Variants in GALNT14 observed in about 807,000 individuals in gnomAD.
GALNT14 encodes UDP-GalNAc:polypeptide N-acetylgalactosaminyltransferase 14.
Under a neutral mutation model 77.5 loss-of-function variants are expected in GALNT14, and 60 were observed. That is an observed-to-expected ratio of 0.77 (90% CI 0.63 to 0.96). The LOEUF is 0.96. Ranked by LOEUF, GALNT14 falls within the 40% of genes least tolerant of loss-of-function variation. GALNT14 has a pLI of 0.00. For synonymous variants in GALNT14, 280 were observed against 281.7 expected, an observed-to-expected ratio of 0.99 and a Z score of 0.06; for missense variants, 710 against 731.0, an observed-to-expected ratio of 0.97 and a Z score of 0.33.
At chr2:30,960,141 G>A (rs1015895206) in intron 3 of GALNT14, among the ~76,000 whole-genome samples, 5 of 152,090 alleles carry the variant, frequency 3.3e-5, no homozygotes, top group African/African-American at 7.2e-5. Context: ...CTCTGTCTTC[G>A]GGAGCTCATG....
At chr2:31,092,610 G>A (rs1466596318) in intron 1 of GALNT14, among the ~76,000 whole-genome samples, 1 of 152,126 alleles carries the variant, frequency 6.6e-6, no homozygotes, top group Non-Finnish European at 1.5e-5. Context: ...ATGAAGAAAG[G>A]AGATAAGGCT....
At chr2:31,064,921 G>A (rs887248170) in intron 1 of GALNT14, among the ~76,000 whole-genome samples, 2 of 151,192 alleles carry the variant, frequency 1.3e-5, no homozygotes, top group Non-Finnish European at 2.9e-5. Flanking sequence ...GGGAAAGAGT[G>A]GTAAAAAAAA....
At chr2:31,097,474 A>G (rs1436974925) in intron 1 of GALNT14, among the ~76,000 whole-genome samples, 1 of 151,946 alleles carries the variant, frequency 6.6e-6, no homozygotes, top group African/African-American at 2.4e-5. Flanking sequence ...ATATGAAGGC[A>G]AGGCAGACAA....
chr2:31,027,886 C>CTGCGTGTGTGTGTGTGTG (rs1672163140), intron 1 of GALNT14, among the ~76,000 whole-genome samples: 1 of 141,776 alleles, frequency 7.1e-6, no homozygotes, highest in Non-Finnish European at 1.5e-5. Context: ...CAGATGTATT[C>CTGCGTGTGTGTGTGTGTG]TGTGTGTGTG....
Position 31,002,429 on chromosome 2 carries a change from CA to C in GALNT14, c.130-9423del, listed in dbSNP as rs35948358. The stretch of plus-strand genomic sequence containing the variant: ...TGGGTGACAGAGTGAGACTCCATTT[CA>C]AAAAAAAAAAAGTGAACTCACTACT... On this transcript the variant is annotated intron_variant, in intron 1 of 14. Transcript: ENST00000349752. Among the ~76,000 whole-genome samples the C allele has an allele frequency of 8.3e-3, 1,196 of 143,322 alleles. 7 individuals carry two copies. Among genetic ancestry groups the C allele is most frequent in the African/African-American group, 0.012 (458 of 39,014 alleles). The allele number at this position is 143,322 out of a possible 152,430, so 94.0% of individuals were successfully genotyped here.
chr2:31,088,642 G>A (rs1053514969), intron 1 of GALNT14, among the ~76,000 whole-genome samples: 1 of 152,208 alleles, frequency 6.6e-6, no homozygotes, highest in African/African-American at 2.4e-5. Context: ...CCACTAAGAT[G>A]CTGTGGTTAT....
At chr2:30,899,422 G>T in the GALNT14 span, among the ~76,000 whole-genome samples, 1 of 152,222 alleles carries the variant, frequency 6.6e-6, no homozygotes, top group Non-Finnish European at 1.5e-5. Context: ...TCTGGACAGT[G>T]AATTATTGCA....
chr2:30,946,770 G>T (rs1461090267), intron 6 of GALNT14, among the ~76,000 whole-genome samples: 2 of 152,128 alleles, frequency 1.3e-5, no homozygotes, highest in Non-Finnish European at 2.9e-5. Context: ...GTGGTTCATG[G>T]ATAAGTTGAT....
chr2:30,910,897 G>T lies in GALNT14; in HGVS notation c.*4C>A, dbSNP rs763186258. ...ATGGCCCTTGCTGCTTCTGGCAGGG[G>T]TCCTCAAGAGCTCACCATGTCCCAG... On this transcript the variant is annotated 3_prime_UTR_variant, in exon 15 of 15. Transcript: ENST00000349752. 3 of 1,613,302 alleles carry T rather than the reference G, an allele frequency of 1.9e-6. No individual in the cohort carries two copies. The highest frequency in any genetic ancestry group is 4.5e-5 in the East Asian group (2 of 44,832).
At chr2:30,909,383 T>A (rs1486235129), downstream of GALNT14, among the ~76,000 whole-genome samples, 3 of 151,476 alleles carry the variant, frequency 2.0e-5, no homozygotes, top group Non-Finnish European at 4.4e-5. Flanking sequence ...AACAACCCCA[T>A]CAAAAAGTGG....
In GALNT14 at chr2:30,967,657, AC is replaced by A. The variant is rs1668093491; in HGVS notation, c.300-1356del. Among the ~76,000 whole-genome samples the A allele has an allele frequency of 2.0e-5, 3 of 151,618 alleles. No individual in the cohort carries two copies. The East Asian group carries it at 5.8e-4, about 29-fold the overall frequency. ...TCCTTTTGCCCCACCTCCTGAATTC[AC>A]CCCTCCTCTCATGCCCATGGCCTCT... On this transcript the variant is annotated intron_variant, in intron 2 of 14. Coordinates refer to ENST00000349752, the MANE Select transcript of GALNT14 (RefSeq NM_024572.4).
chr2:30,911,250 TA>T (rs1664340220), intron 14 of GALNT14, among the ~76,000 whole-genome samples, 191 bp from the exon 15 acceptor site: 1 of 152,034 alleles, frequency 6.6e-6, no homozygotes, highest in Non-Finnish European at 1.5e-5. Flanking sequence ...TAAATTGGAT[TA>T]AAAAAAGTTA....
intron 1 of GALNT14, among the ~76,000 whole-genome samples, chr2:31,071,657 C>T (rs949012540): frequency 3.9e-5 from 6 of 152,276 alleles, no homozygotes; most frequent in East Asian, 3.9e-4. Flanking sequence ...ATCTGCCCCC[C>T]GGTTTCTAAG....
At position 31,057,314 on chromosome 2, in the gene GALNT14, TATAA is replaced by T. The variant is rs200354300; in HGVS notation, c.130-64311_130-64308del. Among the ~76,000 whole-genome samples, 506 of 141,848 alleles carry T rather than the reference TATAA, an allele frequency of 3.6e-3. 7 individuals carry two copies. The highest frequency in any genetic ancestry group is 0.013 in the African/African-American group (486 of 38,390). The allele number at this position is 141,848 out of a possible 152,430, so 93.1% of individuals were successfully genotyped here. On this transcript the variant is annotated intron_variant, in intron 1 of 14. Transcript: ENST00000349752. ...GAAATTATATATATATATATATATA[TATAA>T]AATTATATATTATATATACACGTAT... is the stretch of plus-strand genomic sequence containing the variant.
chr2:31,096,722 T>C (rs1265645627), intron 1 of GALNT14, among the ~76,000 whole-genome samples: 1 of 152,174 alleles, frequency 6.6e-6, no homozygotes, highest in African/African-American at 2.4e-5. Flanking sequence ...ATTGGAGTCT[T>C]CTGATAATAC....
chr2:30,926,961 T>G (rs1333174935), intron 11 of GALNT14, among the ~76,000 whole-genome samples: 1 of 152,132 alleles, frequency 6.6e-6, no homozygotes, highest in Admixed American at 6.5e-5. Flanking sequence ...AATGTTGGAC[T>G]GAAGGAGGGT....
At chr2:30,896,657 G>A in the GALNT14 span, among the ~76,000 whole-genome samples, 1 of 152,142 alleles carries the variant, frequency 6.6e-6, no homozygotes, top group African/African-American at 2.4e-5. Context: ...GTGTGTGTGT[G>A]TTTTGCAATT....
At chr2:30,887,725 A>G in the GALNT14 span, among the ~76,000 whole-genome samples, 2 of 152,168 alleles carry the variant, frequency 1.3e-5, no homozygotes, top group South Asian at 4.1e-4. Context: ...AGTCCAATTT[A>G]TCTCTTTTTT....
At chr2:31,059,299 T>C (rs1289129210) in intron 1 of GALNT14, among the ~76,000 whole-genome samples, 1 of 152,178 alleles carries the variant, frequency 6.6e-6, no homozygotes, top group Non-Finnish European at 1.5e-5. Context: ...TCACAGCCCA[T>C]TTCTATTTCT....
Sources: gnomAD v4.1 joint callset for allele counts (sites outside exome capture counted in the v4.1 genomes callset) on GRCh38, gnomAD v4.1.1 for gene constraint, MANE v1.5 for transcripts, NCBI Gene and HGNC (gene_info 2026-07-23, HGNC 2026-07-21) for gene names.